The following ATP9B variants were observed in gnomAD, a reference collection of about 807,000 sequenced individuals.
ATP9B encodes the protein ATPase phospholipid transporting 9B.
Under a neutral mutation model 146.1 loss-of-function variants are expected in ATP9B, and 110 were observed. The ratio of observed to expected loss-of-function variants is 0.75; its 90% CI spans 0.65 to 0.88. The LOEUF is 0.88. Ranked by LOEUF, ATP9B falls within the 40% of genes least tolerant of loss-of-function variation. The pLI is 0.00. For missense variants in ATP9B, 1,499 were observed against 1,496.4 expected (o/e 1.00, Z -0.03); for synonymous variants, 604 against 569.7 (o/e 1.06, Z -0.86).
chr18:79,069,493 C>T lies in ATP9B; in HGVS notation c.83C>T (p.Ala28Val), dbSNP rs768386065. Residue 28 changes from alanine to valine, a missense_variant, in exon 1 of 30, where the codon GCC (alanine) becomes GTC (valine). By Grantham distance (64) the Ala-to-Val change is moderately conservative (BLOSUM62 0). Transcript: ENST00000426216. ...ANRKRAAYYS[A>V]AGPRPGADRH... ...CGCAAACGCGCGGCCTACTACAGCG[C>T]CGCGGGGCCCAGGCCGGGAGCCGAC... The T allele has an allele frequency of 1.8e-5, 27 of 1,469,570 alleles. 1 individual carries two copies. In the South Asian group the frequency reaches 3.4e-4, roughly 19 times the overall value. 91.0% of individuals were successfully genotyped at this position (1,469,570 alleles called of 1,614,324 possible).
intron 1 of ATP9B, among the ~76,000 whole-genome samples, chr18:79,070,343 T>C (rs1260600264): frequency 1.3e-5 from 2 of 152,154 alleles, no homozygotes; most frequent in African/African-American, 2.4e-5. Context: ...GACTAACATA[T>C]AGCTCAAAGT....
intron 1 of ATP9B, among the ~76,000 whole-genome samples, chr18:79,081,608 A>G (rs1274559309): frequency 6.7e-6 from 1 of 149,194 alleles, no homozygotes; most frequent in Admixed American, 6.6e-5. Context: ...TGAAGGAGAT[A>G]GAGACACGAA....
chr18:79,336,537 C>T (rs2096828054), intron 17 of ATP9B, 91 bp from the exon 18 acceptor site: 6 of 1,181,272 alleles, frequency 5.1e-6, no homozygotes, highest in Non-Finnish European at 6.2e-6. Flanking sequence ...GGGCAGGGCA[C>T]CAGCAATCAG....
intron 4 of ATP9B, 78 bp from the exon 5 acceptor site, chr18:79,126,189 A>G: frequency 8.1e-7 from 1 of 1,237,300 alleles, no homozygotes; most frequent in Non-Finnish European, 1.1e-6. Context: ...GAAGGAAAAA[A>G]GTTAAACCAA....
chr18:79,329,908 T>TAGGAA, intron 16 of ATP9B, 104 bp from the exon 17 acceptor site: 3 of 1,013,818 alleles, frequency 3.0e-6, no homozygotes, highest in Non-Finnish European at 4.6e-6. Flanking sequence ...AGGAACACAT[T>TAGGAA]CATAGGAATT....
chr18:79,184,502 G>GT (rs1041584528), intron 8 of ATP9B, among the ~76,000 whole-genome samples: 19 of 150,684 alleles, frequency 1.3e-4, no homozygotes, highest in East Asian at 1.9e-4. Flanking sequence ...CTTGCTTTTG[G>GT]TTTTTTTTTA....
intron 1 of ATP9B, chr18:79,087,639 C>A (rs2073959283): frequency 6.6e-6 from 1 of 152,130 alleles, no homozygotes; most frequent in Non-Finnish European, 1.5e-5. Context: ...TGTTTCTCAT[C>A]AAAATGGAAA....
At chr18:79,084,108 C>T (rs1288581379) in intron 1 of ATP9B, among the ~76,000 whole-genome samples, 8 of 151,626 alleles carry the variant, frequency 5.3e-5, no homozygotes, top group East Asian at 1.9e-4. Flanking sequence ...CCACCCGCCT[C>T]GGCCTCCCAA....
chr18:79,366,680 G>A (rs7241030), intron 26 of ATP9B, among the ~76,000 whole-genome samples: 58,784 of 152,060 alleles, frequency 0.39, 11,547 homozygotes, highest in Middle Eastern at 0.54. Context: ...GCCATACACC[G>A]AGTGGCTAGA....
intron 7 of ATP9B, among the ~76,000 whole-genome samples, chr18:79,165,716 C>T (rs531851720): frequency 2.0e-4 from 30 of 152,096 alleles, no homozygotes; most frequent in Non-Finnish European, 2.9e-5. Flanking sequence ...TAAGCCCATG[C>T]AGCCAAAAAG....
At chr18:79,231,803 T>TATATATATATATACACACAC (rs569726473) in intron 11 of ATP9B, among the ~76,000 whole-genome samples, 11 of 114,760 alleles carry the variant, frequency 9.6e-5, no homozygotes, top group African/African-American at 3.7e-4. Context: ...TATATATATA[T>TATATATATATATACACACAC]ACACACACAC....
chr18:79,335,693 C>T (rs1420216059), intron 17 of ATP9B, among the ~76,000 whole-genome samples: 1 of 152,218 alleles, frequency 6.6e-6, no homozygotes, highest in Non-Finnish European at 1.5e-5. Flanking sequence ...CCCTCCCCTC[C>T]ATCACTAACT....
Position 79,207,001 on chromosome 18 carries a change from T to C in ATP9B, c.1019T>C (p.Ile340Thr), listed in dbSNP as rs1160606124. ...GAAAATACATTGTGGGCAAGCACCA[T>C]TGTTGCATCAGGTAAGGAAAACATT... The part of the protein sequence containing the change: ...SIENTLWAST[I>T]VASGTVIGVV... The change falls in exon 10 of 30, where the codon ATT becomes ACT. Residue 340 changes from isoleucine to threonine, a missense_variant. Ile to Thr is a moderately conservative substitution (Grantham distance 89). Transcript: ENST00000426216. 2 of 1,613,808 alleles carry C rather than the reference T, an allele frequency of 1.2e-6. No individual in the cohort carries two copies. Among genetic ancestry groups the C allele is most frequent in the Admixed American group, 1.7e-5 (1 of 59,994 alleles).
chr18:79,090,003 TGTGA>T (rs575991040), intron 1 of ATP9B, among the ~76,000 whole-genome samples: 49 of 152,332 alleles, frequency 3.2e-4, no homozygotes, highest in African/African-American at 1.1e-3. Context: ...AGCTCCCACA[TGTGA>T]GTGAGAACAT....
chr18:79,269,501 A>T (rs528547532), intron 12 of ATP9B, among the ~76,000 whole-genome samples: 12 of 152,228 alleles, frequency 7.9e-5, no homozygotes, highest in East Asian at 1.9e-4. Context: ...ATTTAAAAAA[A>T]ATTTTTATGT....
intron 15 of ATP9B, among the ~76,000 whole-genome samples, chr18:79,321,085 A>G (rs2096713105): frequency 6.6e-6 from 1 of 152,248 alleles, no homozygotes; most frequent in African/African-American, 2.4e-5. Flanking sequence ...TAAAAAGAAC[A>G]CCATGACTAT....
intron 15 of ATP9B, among the ~76,000 whole-genome samples, chr18:79,325,765 G>A (rs1031759480): frequency 5.3e-5 from 8 of 152,176 alleles, no homozygotes; most frequent in Admixed American, 1.3e-4. Flanking sequence ...CTTTGCTCCC[G>A]GCACTCCCCA....
intron 13 of ATP9B, among the ~76,000 whole-genome samples, chr18:79,291,831 C>G (rs1399659435): frequency 6.6e-6 from 1 of 152,224 alleles, no homozygotes; most frequent in East Asian, 1.9e-4. Flanking sequence ...TTATTCCACT[C>G]TCACCACAAT....
At chr18:79,297,038 ACAGAGAGATGACC>A (rs1024174534) in intron 13 of ATP9B, among the ~76,000 whole-genome samples, 1 of 151,516 alleles carries the variant, frequency 6.6e-6, no homozygotes, top group African/African-American at 2.4e-5. Flanking sequence ...CAGAGAGAAG[ACAGAGAGATGACC>A]CAGAGAGAAG....
Sources: gnomAD v4.1 joint callset for allele counts (sites outside exome capture counted in the v4.1 genomes callset) on GRCh38, gnomAD v4.1.1 for gene constraint, MANE v1.5 for transcripts, NCBI Gene and HGNC (gene_info 2026-07-23, HGNC 2026-07-21) for gene names.